Variants in PRPF3 observed in about 807,000 individuals in gnomAD.
PRPF3 encodes U4/U6 small nuclear ribonucleoprotein Prp3.
In PRPF3, 3 loss-of-function variants were observed where a neutral mutation model predicts 89.2. The observed-to-expected ratio is 0.03, with a 90% CI of 0.02 to 0.09. The LOEUF is 0.09. PRPF3 is among the 10% of genes least tolerant of loss of function. The pLI, the probability that PRPF3 is intolerant of heterozygous loss-of-function variation, is 1.00. For missense variants in PRPF3, 463 were observed against 828.8 expected (o/e 0.56, Z 5.42); for synonymous variants, 270 against 289.1 (o/e 0.93, Z 0.67).
intron 11 of PRPF3, 65 bp downstream of exon 11, chr1:150,344,326 C>G: frequency 3.1e-6 from 5 of 1,613,640 alleles, no homozygotes; most frequent in Non-Finnish European, 4.2e-6. Flanking sequence ...TCTGGGGGGT[C>G]CATATTTGGA....
intron 15 of PRPF3, 95 bp from the exon 16 acceptor site, chr1:150,352,738 C>T (rs1659070732): frequency 7.5e-7 from 1 of 1,340,668 alleles, no homozygotes; most frequent in Non-Finnish European, 1.1e-6. Context: ...CAGCTGGGCA[C>T]ATGTCTCACA....
At chr1:150,340,290 AC>A in intron 8 of PRPF3, 107 bp from the exon 9 acceptor site, 1 of 779,474 alleles carries the variant, frequency 1.3e-6, no homozygotes, top group Non-Finnish European at 2.2e-6. Flanking sequence ...TATATCAAGC[AC>A]AAGAACCCAT....
chr1:150,352,387 C>T (rs1201024795), intron 15 of PRPF3, among the ~76,000 whole-genome samples: 1 of 152,178 alleles, frequency 6.6e-6, no homozygotes, highest in African/African-American at 2.4e-5. Context: ...CCAAGGAGGC[C>T]GGGCGCGGTG....
At chr1:150,332,609 G>C in intron 4 of PRPF3, 75 bp from the exon 5 acceptor site, 1 of 1,401,234 alleles carries the variant, frequency 7.1e-7, no homozygotes, top group Middle Eastern at 1.8e-4. Context: ...TGAGAGCCTT[G>C]TGGGTTTAAA....
intron 9 of PRPF3, among the ~76,000 whole-genome samples, chr1:150,341,708 T>C (rs1227658182): frequency 8.7e-5 from 3 of 34,340 alleles, no homozygotes; most frequent in Non-Finnish European, 3.0e-4. Context: ...GCCCGGCCTT[T>C]TTTTTTTTTT....
At chr1:150,342,107 C>T (rs1247676498) in intron 9 of PRPF3, among the ~76,000 whole-genome samples, 2 of 151,866 alleles carry the variant, frequency 1.3e-5, no homozygotes, top group Non-Finnish European at 2.9e-5. Flanking sequence ...AGAGGCCAGG[C>T]GAGGTGGCTC....
intron 8 of PRPF3, 111 bp downstream of exon 8, chr1:150,338,437 C>A: frequency 4.8e-6 from 5 of 1,038,044 alleles, no homozygotes; most frequent in Non-Finnish European, 2.9e-6. Flanking sequence ...GGATGGTACT[C>A]ATTCATTAAT....
chr1:150,332,462 A>G (rs1348976081), intron 4 of PRPF3, among the ~76,000 whole-genome samples: 3 of 152,186 alleles, frequency 2.0e-5, no homozygotes, highest in African/African-American at 7.2e-5. Flanking sequence ...ACACTATATT[A>G]CTACCTAATA....
intron 15 of PRPF3, 113 bp downstream of exon 15, chr1:150,349,331 A>T (rs2102026345): frequency 2.3e-6 from 2 of 857,926 alleles, no homozygotes; most frequent in Non-Finnish European, 3.9e-6. Flanking sequence ...GTTTTAAATA[A>T]TTTATGTTTC....
At chr1:150,340,940 T>C (rs1553870271) in intron 9 of PRPF3, among the ~76,000 whole-genome samples, 8 of 151,268 alleles carry the variant, frequency 5.3e-5, no homozygotes. Context: ...ACCCCATCTC[T>C]ACAAAAAATA....
At chr1:150,328,612 G>C (rs1434813829) in intron 4 of PRPF3, 146 bp downstream of exon 4, 1 of 881,752 alleles carries the variant, frequency 1.1e-6, no homozygotes, top group African/African-American at 1.9e-5. Context: ...GAATACAGTG[G>C]CGCGATCTCA....
At chr1:150,332,571 C>T (rs1438250355) in intron 4 of PRPF3, 113 bp from the exon 5 acceptor site, 2 of 1,010,514 alleles carry the variant, frequency 2.0e-6, no homozygotes, top group African/African-American at 1.6e-5. Flanking sequence ...GTGGTATAGT[C>T]ATTCAAAACA....
intron 4 of PRPF3, 46 bp downstream of exon 4, chr1:150,328,512 A>C: frequency 6.3e-7 from 1 of 1,588,206 alleles, no homozygotes; most frequent in Non-Finnish European, 8.6e-7. Context: ...TGAGTTGAAG[A>C]AGCAAAAGGT....
intron 9 of PRPF3, 77 bp from the exon 10 acceptor site, chr1:150,343,228 TGAGA>T (rs1433067959): frequency 7.5e-6 from 6 of 799,482 alleles, no homozygotes; most frequent in African/African-American, 3.1e-5. Context: ...GGTGACAGAG[TGAGA>T]GAGAGAAAAA....
chr1:150,327,524 T>C, intron 3 of PRPF3: 1 of 972,124 alleles, frequency 1.0e-6, no homozygotes, highest in Non-Finnish European at 1.2e-6. Context: ...CCACACAATA[T>C]ATTATGGGAG....
chr1:150,348,460 A>AGTTTTTTTTTTTTTT (rs1658529578), intron 14 of PRPF3, among the ~76,000 whole-genome samples: 1 of 48,464 alleles, frequency 2.1e-5, no homozygotes, highest in Non-Finnish European at 3.5e-5. Flanking sequence ...CTACACGTGC[A>AGTTTTTTTTTTTTTT]TTTTTTTTTT....
intron 2 of PRPF3, 71 bp downstream of exon 2, chr1:150,325,158 A>C: frequency 6.4e-7 from 1 of 1,563,896 alleles, no homozygotes; most frequent in Non-Finnish European, 8.7e-7. Context: ...ACTTCCTCAA[A>C]ATTCTCTCTG....
intron 2 of PRPF3, 94 bp downstream of exon 2, chr1:150,325,181 A>G (rs1655566828): frequency 2.1e-6 from 3 of 1,439,878 alleles, no homozygotes; most frequent in Non-Finnish European, 2.9e-6. Flanking sequence ...GGGAACATCT[A>G]AAAAAATGGC....
chr1:150,327,151 T>C (rs1377594553), intron 3 of PRPF3, among the ~76,000 whole-genome samples: 1 of 151,768 alleles, frequency 6.6e-6, no homozygotes. Context: ...CACTGCAACT[T>C]CCACCTCCCA....
Sources: gnomAD v4.1 joint callset for allele counts (sites outside exome capture counted in the v4.1 genomes callset) on GRCh38, gnomAD v4.1.1 for gene constraint, MANE v1.5 for transcripts, NCBI Gene and HGNC (gene_info 2026-07-23, HGNC 2026-07-21) for gene names.